The following HGF variants were observed in gnomAD, a reference collection of about 807,000 sequenced individuals.
HGF encodes the protein hepatocyte growth factor, also known as fibroblast-derived tumor cytotoxic factor.
HGF carries 39 observed loss-of-function variants against 111.6 expected under a neutral mutation model. The observed-to-expected ratio is 0.35, with a 90% CI of 0.27 to 0.46. The LOEUF is 0.46. Ranked by LOEUF, HGF falls within the 20% of genes least tolerant of loss-of-function variation. The pLI is 1.00. For synonymous variants in HGF, 285 were observed against 294.8 expected (o/e 0.97, Z 0.34); for missense variants, 735 against 910.5 (o/e 0.81, Z 2.48).
chr7:81,705,249 A>T, intron 17 of HGF, 141 bp downstream of exon 17: 1 of 758,278 alleles, frequency 1.3e-6, no homozygotes, highest in Non-Finnish European at 2.3e-6. Flanking sequence ...AGAATATTAC[A>T]GAGTTAATTT....
At chr7:81,718,232 T>A (rs5745718) in intron 10 of HGF, among the ~76,000 whole-genome samples, 1 of 152,072 alleles carries the variant, frequency 6.6e-6, no homozygotes, top group Admixed American at 6.5e-5. Context: ...CCAGACCAAG[T>A]TTCATTTTTC....
At chr7:81,718,104 C>G (rs1789760977) in intron 10 of HGF, among the ~76,000 whole-genome samples, 1 of 152,152 alleles carries the variant, frequency 6.6e-6, no homozygotes, top group Non-Finnish European at 1.5e-5. Flanking sequence ...GTCATTAAAA[C>G]TATTCATCTT....
chr7:81,768,060 C>T (rs1789451876), intron 1 of HGF, among the ~76,000 whole-genome samples: 1 of 152,192 alleles, frequency 6.6e-6, no homozygotes, highest in Admixed American at 6.5e-5. Flanking sequence ...CCTGCCAGCA[C>T]TCTTGGGCTG....
intron 7 of HGF, among the ~76,000 whole-genome samples, chr7:81,731,054 C>T (rs1470507872): frequency 2.0e-5 from 3 of 152,184 alleles, no homozygotes; most frequent in Non-Finnish European, 2.9e-5. Flanking sequence ...AAACACCTCT[C>T]TCATACAAAC....
chr7:81,768,350 C>A (rs1426564356), intron 1 of HGF, among the ~76,000 whole-genome samples: 1 of 152,008 alleles, frequency 6.6e-6, no homozygotes, highest in Non-Finnish European at 1.5e-5. Flanking sequence ...AGCTCAAAAT[C>A]CCCTAAACCA....
At chr7:81,738,853 T>G (rs998357724) in intron 7 of HGF, among the ~76,000 whole-genome samples, 2 of 152,154 alleles carry the variant, frequency 1.3e-5, no homozygotes, top group Non-Finnish European at 2.9e-5. Flanking sequence ...ATTTGACATA[T>G]AATAGCTGCT....
chr7:81,762,797 G>C lies in HGF; in HGVS notation c.164C>G (p.Pro55Arg). The change falls in exon 2 of 18, where the codon CCA becomes CGA. Residue 55 changes from proline (P) to arginine (R), a missense_variant. Around this residue, in one of 3 missense-constraint regions of HGF, gnomAD observed 553 missense variants for 685.6 expected, o/e 0.81. Coordinates refer to ENST00000222390, the MANE Select transcript of HGF (RefSeq NM_000601.6). The part of the protein sequence containing the change: ...SAKTTLIKID[P>R]ALKIKTKKVN... ...TTTTTTGGTTTTTATCTTCAGTGCT[G>C]GATCTATTTTGATTAGGGTAGTCTT... 6.2e-7 allele frequency: 1 copy of C among 1,604,246 alleles called. No homozygotes were observed. The highest frequency in any genetic ancestry group is 8.5e-7 in the Non-Finnish European group (1 of 1,171,288).
At chr7:81,739,092 A>C (rs1391061410) in intron 7 of HGF, among the ~76,000 whole-genome samples, 2 of 152,102 alleles carry the variant, frequency 1.3e-5, no homozygotes, top group East Asian at 1.9e-4. Context: ...TTTCTCCTCA[A>C]ATTAATGCCT....
chr7:81,703,841 T>G lies in HGF; in HGVS notation c.2011-1084A>C, dbSNP rs1583911448. Among the ~76,000 whole-genome samples, 5 of 151,680 alleles carry G rather than the reference T, an allele frequency of 3.3e-5. No individual in the cohort carries two copies. The East Asian group carries it at 9.7e-4, about 29-fold the overall frequency. On this transcript the variant is annotated intron_variant, in intron 17 of 17. Transcript: ENST00000222390. ...CATTCTGTGATGGGGAAAACCAAGT[T>G]AGGGGTAAAGTAGAATTTCACACAG...
At chr7:81,716,093 A>G (rs1277206365) in intron 11 of HGF, among the ~76,000 whole-genome samples, 2 of 152,154 alleles carry the variant, frequency 1.3e-5, no homozygotes, top group African/African-American at 4.8e-5. Context: ...CTCAATACGT[A>G]TTACTAGACA....
chr7:81,718,293 G>T (rs1789765675), intron 10 of HGF, among the ~76,000 whole-genome samples: 1 of 152,176 alleles, frequency 6.6e-6, no homozygotes, highest in African/African-American at 2.4e-5. Flanking sequence ...ATGCCACATT[G>T]TGTTGTAGGT....
intron 1 of HGF, among the ~76,000 whole-genome samples, chr7:81,765,508 A>G (rs976915903): frequency 6.6e-6 from 1 of 152,142 alleles, no homozygotes; most frequent in African/African-American, 2.4e-5. Context: ...CTACAAAGCT[A>G]TCAGGGGCAA....
intron 9 of HGF, among the ~76,000 whole-genome samples, chr7:81,723,024 C>T (rs1008241451): frequency 4.0e-5 from 6 of 151,876 alleles, no homozygotes; most frequent in Non-Finnish European, 7.4e-5. Context: ...TGCAAATTTA[C>T]ATCAACGTTA....
chr7:81,722,772 C>A (rs1789898420), intron 9 of HGF, among the ~76,000 whole-genome samples: 1 of 142,170 alleles, frequency 7.0e-6, no homozygotes, highest in Non-Finnish European at 1.5e-5. Flanking sequence ...CAAGATCATG[C>A]CACTGCAATC....
At chr7:81,730,296 A>G (rs1405800818) in intron 7 of HGF, among the ~76,000 whole-genome samples, 1 of 151,840 alleles carries the variant, frequency 6.6e-6, no homozygotes, top group Non-Finnish European at 1.5e-5. Flanking sequence ...TAAAAATACA[A>G]AAAAAATTAG....
intron 2 of HGF, among the ~76,000 whole-genome samples, chr7:81,762,457 G>C (rs1229778222): frequency 6.6e-6 from 1 of 152,114 alleles, no homozygotes; most frequent in Non-Finnish European, 1.5e-5. Context: ...TTGCTCATCA[G>C]ATGAGAAAAC....
At position 81,759,598 on chromosome 7, in the gene HGF, G is replaced by A. The variant is rs534777312; in HGVS notation, c.255-794C>T. Among the ~76,000 whole-genome samples the A allele has an allele frequency of 3.3e-5, 5 of 151,640 alleles. No individual in the cohort carries two copies. The South Asian group carries it at 8.4e-4, about 25-fold the overall frequency. On this transcript the variant is annotated intron_variant, in intron 2 of 17. Transcript: ENST00000222390. ...CGGCTCACTGCAAGCTCCGCCTCCC[G>A]GGTTCACGCCATTCTCCTGCCTCAG...
intron 7 of HGF, among the ~76,000 whole-genome samples, chr7:81,742,105 AAC>A (rs1323644641): frequency 2.0e-5 from 3 of 152,130 alleles, no homozygotes; most frequent in South Asian, 2.1e-4. Context: ...TATGCAGAGA[AAC>A]ACTGTCACAG....
intron 8 of HGF, among the ~76,000 whole-genome samples, chr7:81,727,791 G>A (rs747257705): frequency 4.1e-5 from 6 of 146,532 alleles, no homozygotes; most frequent in East Asian, 4.1e-4. Flanking sequence ...AGTGAAGATC[G>A]AGGGCTATCA....
Sources: allele counts gnomAD v4.1 joint callset (sites outside exome capture counted in the v4.1 genomes callset), GRCh38; gene constraint gnomAD v4.1.1; regional missense constraint gnomAD v4.1.1; transcripts MANE v1.5; gene names NCBI Gene and HGNC (gene_info 2026-07-23, HGNC 2026-07-21).